BTBD8: variants seen among roughly 807,000 people sequenced by gnomAD.
The protein encoded by BTBD8 is BTB/POZ domain-containing protein 8.
BTBD8 carries 110 observed loss-of-function variants against 162.9 expected under a neutral mutation model. The ratio of observed to expected loss-of-function variants is 0.68; its 90% CI spans 0.58 to 0.79. The LOEUF is 0.79. Ranked by LOEUF, BTBD8 falls within the 30% of genes least tolerant of loss-of-function variation. The pLI is 0.00. For missense variants in BTBD8, 1,905 were observed against 2,085.4 expected, an observed-to-expected ratio of 0.91 and a Z score of 1.68; for synonymous variants, 667 against 716.1, an observed-to-expected ratio of 0.93 and a Z score of 1.10.
chr1:92,123,965 G>C (rs1649283121), intron 4 of BTBD8, among the ~76,000 whole-genome samples: 1 of 151,746 alleles, frequency 6.6e-6, no homozygotes, highest in Non-Finnish European at 1.5e-5. Flanking sequence ...TCTATTTCCT[G>C]TTCACTCTTC....
intron 9 of BTBD8, among the ~76,000 whole-genome samples, chr1:92,154,903 T>A (rs1172000340): frequency 6.6e-6 from 1 of 152,204 alleles, no homozygotes; most frequent in African/African-American, 2.4e-5. Context: ...AGGTCTTAGG[T>A]AGAAGTCTTA....
Position 92,182,601 on chromosome 1 carries a change from G to A in BTBD8, c.4912+6G>A, listed in dbSNP as rs949488474. ...TAATATTGCTTTATCTGCAGGTAAT[G>A]TACAGAAATAGAAATGCTAAATGCA... On this transcript the variant is annotated splice_donor_region_variant and intron_variant, in intron 17 of 17. Transcript: ENST00000636805. 2 of 1,447,650 alleles carry A rather than the reference G, an allele frequency of 1.4e-6. No homozygotes were observed. Among genetic ancestry groups the A allele is most frequent in the African/African-American group, 2.9e-5 (2 of 69,104 alleles). The allele number at this position is 1,447,650 out of a possible 1,614,324, so 89.7% of individuals were successfully genotyped here.
chr1:92,127,148 A>G (rs1443152344), intron 4 of BTBD8, among the ~76,000 whole-genome samples: 1 of 152,160 alleles, frequency 6.6e-6, no homozygotes, highest in East Asian at 1.9e-4. Flanking sequence ...AGATGTGGCT[A>G]TCTATACCTG....
In BTBD8 at chr1:92,177,563, T is replaced by C; in HGVS notation, c.2353+17T>C. ...CCACTGTAGGTGGGTTTTAGCACTGTAATTTTTAATATCTCCTGACAGTTA... is the reference window on the plus strand; with the variant it reads ...CCACTGTAGGTGGGTTTTAGCACTGCAATTTTTAATATCTCCTGACAGTTA... On this transcript the variant is annotated intron_variant, in intron 14 of 17. Coordinates refer to ENST00000636805, the MANE Select transcript of BTBD8 (RefSeq NM_001376131.1). The C allele has an allele frequency of 8.5e-6, 12 of 1,407,962 alleles. No individual in the cohort carries two copies. The highest frequency in any genetic ancestry group is 1.1e-5 in the Non-Finnish European group (12 of 1,047,452). 87.2% of individuals were successfully genotyped at this position (1,407,962 alleles called of 1,614,324 possible). A position where few individuals can be genotyped will look rare whatever the true frequency, so the allele number is the denominator to read the frequency against.
chr1:92,164,211 A>G (rs1005110792), intron 9 of BTBD8, among the ~76,000 whole-genome samples: 1 of 152,116 alleles, frequency 6.6e-6, no homozygotes, highest in Non-Finnish European at 1.5e-5. Flanking sequence ...TATTGGCTGG[A>G]TGCAGTGGCT....
At position 92,184,202 on chromosome 1, in the gene BTBD8, T is replaced by C; in HGVS notation, c.5251T>C (p.Leu1751=). The change falls in exon 18 of 18, where the codon TTG becomes CTG. Residue 1751 remains leucine, a synonymous_variant. Coordinates refer to ENST00000636805, the MANE Select transcript of BTBD8 (RefSeq NM_001376131.1). ...KPQGITHIDT[L]NRWSELTSPL... ...TCAGGGTATAACACATATTGACACT[T>C]TGAACAGATGGAGTGAACTAACATC... The C allele has an allele frequency of 6.4e-7, 1 of 1,551,600 alleles. No homozygotes were observed. Among genetic ancestry groups the C allele is most frequent in the Non-Finnish European group, 8.7e-7 (1 of 1,146,846 alleles).
intron 1 of BTBD8, among the ~76,000 whole-genome samples, chr1:92,087,181 T>G (rs1373796540): frequency 6.6e-6 from 1 of 152,192 alleles, no homozygotes; most frequent in Non-Finnish European, 1.5e-5. Context: ...ATTAACAATT[T>G]TATACACACT....
intron 13 of BTBD8, among the ~76,000 whole-genome samples, chr1:92,172,696 C>A (rs989641469): frequency 2.0e-5 from 3 of 152,096 alleles, no homozygotes; most frequent in Admixed American, 2.0e-4. Context: ...ATAGGAAATC[C>A]TTTTTTCTTC....
At chr1:92,113,649 A>G (rs1226187) in intron 4 of BTBD8, among the ~76,000 whole-genome samples, 107,589 of 151,656 alleles carry the variant, frequency 0.71, 38,854 homozygotes, top group East Asian at 0.97. Context: ...TGGTGAGATG[A>G]CCTTGTGACC....
chr1:92,108,507 T>C (rs1434551970), intron 4 of BTBD8, among the ~76,000 whole-genome samples: 1 of 152,204 alleles, frequency 6.6e-6, no homozygotes, highest in African/African-American at 2.4e-5. Context: ...ATGAATAGCA[T>C]TGATTAGGAG....
intron 5 of BTBD8, among the ~76,000 whole-genome samples, chr1:92,135,758 GT>G (rs1365579346): frequency 6.6e-6 from 1 of 152,020 alleles, no homozygotes; most frequent in Admixed American, 6.5e-5. Flanking sequence ...TGATATATAG[GT>G]TCAAATGTCT....
rs748378529 is a variant in BTBD8, at chr1:92,147,277, T to C, written c.1019+9T>C. On this transcript the variant is annotated intron_variant, in intron 8 of 17. Transcript: ENST00000636805. ...TTTGCTGACTGCATGAAGTAAGTTA[T>C]GTTAAGTAGTGCTGATACTATTAAT... 5 of 1,586,602 alleles carry C rather than the reference T, an allele frequency of 3.2e-6. No individual in the cohort carries two copies. The highest frequency in any genetic ancestry group is 3.4e-5 in the Admixed American group (2 of 59,280).
At chr1:92,121,468 A>G (rs1035610056) in intron 4 of BTBD8, among the ~76,000 whole-genome samples, 6 of 152,134 alleles carry the variant, frequency 3.9e-5, no homozygotes, top group Admixed American at 1.3e-4. Context: ...TTTAAAACTT[A>G]TGTCGTCCTT....
intron 9 of BTBD8, among the ~76,000 whole-genome samples, chr1:92,161,052 C>T (rs1483153728): frequency 1.3e-5 from 2 of 152,174 alleles, no homozygotes; most frequent in African/African-American, 4.8e-5. Flanking sequence ...AGCTCTGTGC[C>T]AGGGGTAGGA....
intron 9 of BTBD8, among the ~76,000 whole-genome samples, chr1:92,150,235 A>T (rs1021245968): frequency 6.6e-6 from 1 of 152,244 alleles, no homozygotes; most frequent in Non-Finnish European, 1.5e-5. Context: ...TCACAAAAAG[A>T]TCATCAGCCT....
intron 1 of BTBD8, among the ~76,000 whole-genome samples, chr1:92,083,663 G>A (rs72956804): frequency 0.036 from 5,442 of 152,210 alleles, 310 homozygotes; most frequent in African/African-American, 0.12. Context: ...TATCTAGAAG[G>A]AGTGGAGAAC....
intron 4 of BTBD8, among the ~76,000 whole-genome samples, chr1:92,109,222 G>T (rs946234847): frequency 1.3e-5 from 2 of 150,766 alleles, no homozygotes; most frequent in Non-Finnish European, 3.0e-5. Context: ...CATGGTGTGG[G>T]TGTAGGTGTG....
At chr1:92,131,736 A>C (rs1033529075) in intron 5 of BTBD8, among the ~76,000 whole-genome samples, 1 of 151,972 alleles carries the variant, frequency 6.6e-6, no homozygotes, top group Admixed American at 6.6e-5. Flanking sequence ...AAAAAAAAAA[A>C]AAACCACACA....
chr1:92,101,586 T>C (rs1197385073), intron 2 of BTBD8, among the ~76,000 whole-genome samples: 2 of 152,268 alleles, frequency 1.3e-5, no homozygotes, highest in East Asian at 1.9e-4. Context: ...TGACACTCAC[T>C]GTGGGTAGCC....
Sources: allele counts gnomAD v4.1 joint callset (sites outside exome capture counted in the v4.1 genomes callset), GRCh38; gene constraint gnomAD v4.1.1; transcripts MANE v1.5; gene names NCBI Gene and HGNC (gene_info 2026-07-23, HGNC 2026-07-21).